ARHGAP26: variants seen among roughly 807,000 people sequenced by gnomAD.
ARHGAP26 encodes rho GTPase-activating protein 26.
In ARHGAP26, 38 loss-of-function variants were observed where a neutral mutation model predicts 104.8. That is an observed-to-expected ratio of 0.36 (90% confidence interval 0.28 to 0.48). The LOEUF is 0.48. Among genes scored for constraint, ARHGAP26 ranks in the 20% least tolerant of loss-of-function variants. ARHGAP26 has a pLI of 0.99. For missense variants in ARHGAP26, 704 were observed against 947.9 expected (o/e 0.74, Z 3.38); for synonymous variants, 341 against 340.0 (o/e 1.00, Z -0.03).
chr5:142,859,707 G>A (rs1752985590), intron 1 of ARHGAP26: 2 of 152,230 alleles, frequency 1.3e-5, no homozygotes, highest in Non-Finnish European at 2.9e-5. Flanking sequence ...TTTTCCCAGT[G>A]TGCTCCACCT....
intron 12 of ARHGAP26, among the ~76,000 whole-genome samples, chr5:143,030,282 C>T (rs1006064010): frequency 6.6e-6 from 1 of 152,090 alleles, no homozygotes; most frequent in African/African-American, 2.4e-5. Flanking sequence ...GCCTCAGGCC[C>T]CTCTTGACCC....
In ARHGAP26 at chr5:142,892,096, C is replaced by A. The variant is rs1311924297; in HGVS notation, c.487-2142C>A. 1.3e-5 allele frequency among the ~76,000 whole-genome samples: 2 copies of A among 151,916 alleles called. 1 individual carries two copies. Among genetic ancestry groups the A allele is most frequent in the African/African-American group, 4.9e-5 (2 of 41,192 alleles). On this transcript the variant is annotated intron_variant, in intron 5 of 22. Transcript: ENST00000645722. ...AATTGAGAGGGAGTGTTGAAATTTCCCTGCTTGGAGTAAACTGTTGTTCTT... is the reference window on the plus strand; with the variant it reads ...AATTGAGAGGGAGTGTTGAAATTTCACTGCTTGGAGTAAACTGTTGTTCTT...
At chr5:142,897,500 C>G (rs145142531) in intron 6 of ARHGAP26, among the ~76,000 whole-genome samples, 1 of 152,304 alleles carries the variant, frequency 6.6e-6, no homozygotes, top group East Asian at 1.9e-4. Flanking sequence ...ATCAGTGATT[C>G]TCAGTGTTAG....
At chr5:142,859,761 T>G (rs924959389) in intron 1 of ARHGAP26, 1 of 152,318 alleles carries the variant, frequency 6.6e-6, no homozygotes, top group African/African-American at 2.4e-5. Context: ...AAAGGAACTA[T>G]GGGTTGCCCA....
chr5:142,846,299 C>A (rs1771930559), intron 1 of ARHGAP26, among the ~76,000 whole-genome samples: 1 of 152,146 alleles, frequency 6.6e-6, no homozygotes, highest in Non-Finnish European at 1.5e-5. Flanking sequence ...TGTATCCAAG[C>A]TCAGAGGGGT....
At chr5:143,112,403 G>A (rs924248246) in intron 17 of ARHGAP26, among the ~76,000 whole-genome samples, 2 of 152,086 alleles carry the variant, frequency 1.3e-5, no homozygotes, top group East Asian at 3.8e-4. Context: ...GCCTTGAGAG[G>A]TCAGCTGGAT....
Position 143,029,392 on chromosome 5 carries a change from GTTTTTTTTTTTTTT to G in ARHGAP26, c.1145-7787_1145-7774del, listed in dbSNP as rs536919888. Among the ~76,000 whole-genome samples the G allele has an allele frequency of 4.6e-3, 374 of 80,852 alleles. 1 individual carries two copies. Among genetic ancestry groups the G allele is most frequent in the African/African-American group, 0.016 (355 of 22,686 alleles). The allele number at this position is 80,852 out of a possible 152,430, so 53.0% of individuals were successfully genotyped here. A position where few individuals can be genotyped will look rare whatever the true frequency, so the allele number is the denominator to read the frequency against. ...CATGTTAGAAATCCTTTACTTCTCA[GTTTTTTTTTTTTTT>G]TTTTTTTTTTTTTTTTGAGGCAGGC... On this transcript the variant is annotated intron_variant, in intron 12 of 22. Coordinates refer to ENST00000645722, the MANE Select transcript of ARHGAP26 (RefSeq NM_001135608.3).
At chr5:143,145,384 A>G (rs1799033503) in intron 19 of ARHGAP26, among the ~76,000 whole-genome samples, 1 of 152,192 alleles carries the variant, frequency 6.6e-6, no homozygotes, top group African/African-American at 2.4e-5. Context: ...AAATGTCTCC[A>G]GTTGAAGCCC....
intron 1 of ARHGAP26, among the ~76,000 whole-genome samples, chr5:142,774,220 C>T (rs1755824125): frequency 1.3e-5 from 2 of 152,146 alleles, no homozygotes; most frequent in African/African-American, 4.8e-5. Context: ...ATTACTCATA[C>T]AAACATAAAT....
intron 1 of ARHGAP26, among the ~76,000 whole-genome samples, chr5:142,837,991 G>A (rs971783493): frequency 6.6e-6 from 1 of 152,186 alleles, no homozygotes; most frequent in South Asian, 2.1e-4. Context: ...GGGCGCAGTG[G>A]CTCATGCCTG....
intron 1 of ARHGAP26, among the ~76,000 whole-genome samples, chr5:142,804,200 C>T (rs922801065): frequency 1.7e-4 from 26 of 152,100 alleles, no homozygotes; most frequent in African/African-American, 4.3e-4. Context: ...CTACAAAAAA[C>T]GACAGTTTTA....
At chr5:143,221,837 A>G (rs1172115169) in intron 22 of ARHGAP26, among the ~76,000 whole-genome samples, 3 of 152,106 alleles carry the variant, frequency 2.0e-5, no homozygotes, top group African/African-American at 7.2e-5. Context: ...GAAGCTGGAT[A>G]TCTTTAAAGA....
At chr5:142,823,811 G>A (rs905069121) in intron 1 of ARHGAP26, among the ~76,000 whole-genome samples, 2 of 152,188 alleles carry the variant, frequency 1.3e-5, no homozygotes, top group Non-Finnish European at 2.9e-5. Flanking sequence ...GTTATTTAAA[G>A]GCAGTCTTTC....
intron 20 of ARHGAP26, among the ~76,000 whole-genome samples, chr5:143,157,089 G>A (rs188556416): frequency 1.3e-5 from 2 of 152,210 alleles, no homozygotes; most frequent in East Asian, 3.9e-4. Flanking sequence ...ACAGATTAGA[G>A]ATGTCTAAAT....
intron 15 of ARHGAP26, 86 bp from the exon 16 acceptor site, chr5:143,055,940 TAC>T: frequency 1.1e-6 from 1 of 876,858 alleles, no homozygotes; most frequent in Admixed American, 2.2e-5. Context: ...AGAAATGTAT[TAC>T]AGTTTGTCAG....
intron 11 of ARHGAP26, among the ~76,000 whole-genome samples, chr5:143,009,670 C>T (rs573978277): frequency 3.9e-5 from 6 of 152,198 alleles, no homozygotes; most frequent in Middle Eastern, 3.2e-3. Flanking sequence ...TGTAATTTCT[C>T]TTCTTCAGAA....
chr5:143,151,902 G>A (rs1799891063), intron 20 of ARHGAP26, among the ~76,000 whole-genome samples: 1 of 152,164 alleles, frequency 6.6e-6, no homozygotes, highest in Non-Finnish European at 1.5e-5. Context: ...GTTGCAGTGA[G>A]CTGAGATCGT....
chr5:143,003,269 A>G (rs1281955149), intron 11 of ARHGAP26, among the ~76,000 whole-genome samples: 1 of 152,208 alleles, frequency 6.6e-6, no homozygotes, highest in East Asian at 1.9e-4. Flanking sequence ...TTTCTCTTGA[A>G]ACTATATCAG....
chr5:142,969,916 C>CTTG (rs764441011), intron 11 of ARHGAP26, among the ~76,000 whole-genome samples: 3 of 152,026 alleles, frequency 2.0e-5, no homozygotes, highest in Admixed American at 6.5e-5. Flanking sequence ...ACTTCGGTGG[C>CTTG]TTGTTGTTGT....
Sources: gnomAD v4.1 joint callset for allele counts (sites outside exome capture counted in the v4.1 genomes callset) on GRCh38, gnomAD v4.1.1 for gene constraint, MANE v1.5 for transcripts, NCBI Gene and HGNC (gene_info 2026-07-23, HGNC 2026-07-21) for gene names.